The following DLGAP2 variants were observed in gnomAD, a reference collection of about 807,000 sequenced individuals.
DLGAP2 encodes the protein DLG associated protein 2.
Under a neutral mutation model 100.3 loss-of-function variants are expected in DLGAP2, and 26 were observed. The ratio of observed to expected loss-of-function variants is 0.26; its 90% CI spans 0.19 to 0.36. The LOEUF is 0.36. Among genes scored for constraint, DLGAP2 ranks in the 10% least tolerant of loss-of-function variants. DLGAP2 has a pLI of 1.00. For missense variants in DLGAP2, 1,858 were observed against 1,453.2 expected, an observed-to-expected ratio of 1.28 and a Z score of -4.53; for synonymous variants, 886 against 630.1, an observed-to-expected ratio of 1.41 and a Z score of -6.08.
intron 12 of DLGAP2, among the ~76,000 whole-genome samples, chr8:1,690,095 G>C (rs1391850964): frequency 6.6e-6 from 1 of 152,166 alleles, no homozygotes; most frequent in Non-Finnish European, 1.5e-5. Flanking sequence ...GGTGGCTCAC[G>C]CCTGTAATCC....
At chr8:1,360,204 C>T (rs1281649976) in intron 3 of DLGAP2, among the ~76,000 whole-genome samples, 4 of 92,414 alleles carry the variant, frequency 4.3e-5, no homozygotes, top group East Asian at 7.6e-4. Context: ...TGCTCAGGGG[C>T]GGGGCTTTTC....
chr8:1,133,233 A>G (rs1293212676), intron 2 of DLGAP2, among the ~76,000 whole-genome samples: 1 of 152,196 alleles, frequency 6.6e-6, no homozygotes. Context: ...TCTGAAAAGA[A>G]CTTTGGAATT....
At chr8:875,814 C>T (rs1273483952) in intron 1 of DLGAP2, among the ~76,000 whole-genome samples, 1 of 152,004 alleles carries the variant, frequency 6.6e-6, no homozygotes, top group East Asian at 1.9e-4. Context: ...TTCGTGTTTG[C>T]TCTAGAGTTT....
rs546458993 is a variant in DLGAP2 at position 1,211,830 on chromosome 8, G to T, written c.74-47021G>T. 1.7e-4 allele frequency among the ~76,000 whole-genome samples: 26 copies of T among 152,322 alleles called. No individual in the cohort carries two copies. The East Asian group carries it at 4.6e-3, about 27-fold the overall frequency. ...GTGGAGGTTGCAGTGAGCCGATATCGTGCCATTGCACTCCAGCCTGGATGA... is the reference window on the plus strand; with the variant it reads ...GTGGAGGTTGCAGTGAGCCGATATCTTGCCATTGCACTCCAGCCTGGATGA... On this transcript the variant is annotated intron_variant, in intron 2 of 14. Transcript: ENST00000637795.
chr8:1,343,085 C>T (rs1801456031), intron 3 of DLGAP2, among the ~76,000 whole-genome samples: 1 of 152,188 alleles, frequency 6.6e-6, no homozygotes, highest in Non-Finnish European at 1.5e-5. Context: ...CAAACACTGG[C>T]CAGTCCTTAG....
chr8:1,031,889 C>G (rs1288672540), intron 2 of DLGAP2, among the ~76,000 whole-genome samples: 3 of 152,210 alleles, frequency 2.0e-5, no homozygotes, highest in Non-Finnish European at 4.4e-5. Context: ...CACCATAAGT[C>G]CATGCTACGC....
At chr8:867,639 C>G (rs1008991780) in intron 1 of DLGAP2, among the ~76,000 whole-genome samples, 2 of 152,224 alleles carry the variant, frequency 1.3e-5, no homozygotes, top group South Asian at 4.1e-4. Context: ...GAATAAGTCA[C>G]TGACACTGGC....
chr8:1,243,114 C>G (rs1366284901), intron 2 of DLGAP2, among the ~76,000 whole-genome samples: 2 of 152,160 alleles, frequency 1.3e-5, no homozygotes, highest in Non-Finnish European at 2.9e-5. Flanking sequence ...GAATATTTGT[C>G]CTTTGTGGGC....
chr8:755,323 G>A (rs189544021), intron 1 of DLGAP2, among the ~76,000 whole-genome samples: 1 of 152,204 alleles, frequency 6.6e-6, no homozygotes, highest in Admixed American at 6.5e-5. Flanking sequence ...TTAATACCTA[G>A]GCGTGGGGGC....
chr8:1,539,564 C>T (rs956262075), intron 4 of DLGAP2, among the ~76,000 whole-genome samples: 3 of 152,060 alleles, frequency 2.0e-5, no homozygotes, highest in African/African-American at 7.2e-5. Context: ...GGGTCCCGCA[C>T]CCTCACCGGG....
In DLGAP2 at chr8:871,703, G is replaced by GA. The variant is rs113523196; in HGVS notation, c.19-36199dup. ...GTATAGTCCATATCTTCCAAAATAT[G>GA]AAAAAAAAAACCAATTTGAAGTACT... On this transcript the variant is annotated intron_variant, in intron 1 of 14. Transcript: ENST00000637795. Among the ~76,000 whole-genome samples, 261 of 148,568 alleles carry GA rather than the reference G, an allele frequency of 1.8e-3. 1 individual carries two copies. The highest frequency in any genetic ancestry group is 4.9e-3 in the African/African-American group (201 of 40,610).
At chr8:1,295,359 G>C (rs781590881) in intron 3 of DLGAP2, among the ~76,000 whole-genome samples, 18 of 152,256 alleles carry the variant, frequency 1.2e-4, no homozygotes, top group Non-Finnish European at 2.2e-4. Context: ...CGGAGTCCCA[G>C]CGTGGCAGCT....
chr8:1,434,619 G>T (rs372894319), intron 3 of DLGAP2, among the ~76,000 whole-genome samples: 131 of 152,242 alleles, frequency 8.6e-4, no homozygotes, highest in African/African-American at 2.9e-3. Flanking sequence ...TGGGACTACA[G>T]GCGTGCGCCA....
In DLGAP2 at chr8:1,514,118, G is replaced by A. The variant is rs115667488; in HGVS notation, c.172+12687G>A. Among the ~76,000 whole-genome samples, 1,126 of 152,338 alleles carry A rather than the reference G, an allele frequency of 7.4e-3. 12 individuals carry two copies. Among genetic ancestry groups the A allele is most frequent in the African/African-American group, 0.026 (1,072 of 41,578 alleles). On this transcript the variant is annotated intron_variant, in intron 4 of 14. Coordinates refer to ENST00000637795, the MANE Select transcript of DLGAP2 (RefSeq NM_001346810.2). ...ATTGGGTGGCGTCTTGTGGCCACAC[G>A]AGCAGCCCCAGGTGAAGCAAAGCCT...
At chr8:1,140,606 C>T (rs1328909106) in intron 2 of DLGAP2, among the ~76,000 whole-genome samples, 2 of 152,182 alleles carry the variant, frequency 1.3e-5, no homozygotes, top group Admixed American at 6.5e-5. Flanking sequence ...CCTCCCTTCC[C>T]TCACTCAGCC....
chr8:782,764 G>A (rs1255753644), intron 1 of DLGAP2, among the ~76,000 whole-genome samples: 1 of 152,120 alleles, frequency 6.6e-6, no homozygotes, highest in African/African-American at 2.4e-5. Context: ...TTTGTTGTCT[G>A]CCAATCCCAT....
At chr8:1,383,645 T>A (rs1224533359) in intron 3 of DLGAP2, among the ~76,000 whole-genome samples, 8 of 152,202 alleles carry the variant, frequency 5.3e-5, no homozygotes, top group Non-Finnish European at 1.2e-4. Flanking sequence ...TTCCCCTTAG[T>A]GGCTGGGGCT....
chr8:1,359,280 C>A (rs1007698915), intron 3 of DLGAP2, among the ~76,000 whole-genome samples: 1 of 152,236 alleles, frequency 6.6e-6, no homozygotes, highest in African/African-American at 2.4e-5. Flanking sequence ...GCTGGGAAGA[C>A]CCTGTCCTCA....
At chr8:1,146,959 T>C (rs181621456) in intron 2 of DLGAP2, among the ~76,000 whole-genome samples, 26 of 152,378 alleles carry the variant, frequency 1.7e-4, no homozygotes, top group African/African-American at 5.8e-4. Flanking sequence ...CTCTTCAGAA[T>C]TGGCTTTATG....
Sources: gnomAD v4.1 joint callset for allele counts (sites outside exome capture counted in the v4.1 genomes callset) on GRCh38, gnomAD v4.1.1 for gene constraint, MANE v1.5 for transcripts, NCBI Gene and HGNC (gene_info 2026-07-23, HGNC 2026-07-21) for gene names.